SHF: variants seen among roughly 807,000 people sequenced by gnomAD.
SHF encodes Src homology 2 domain containing F, also known as SH2 domain-containing adapter protein F.
In SHF, 30 loss-of-function variants were observed where a neutral mutation model predicts 42.4. The observed-to-expected ratio is 0.71, with a 90% confidence interval of 0.53 to 0.96. The LOEUF is 0.96. Ranked by LOEUF, SHF falls within the 40% of genes least tolerant of loss-of-function variation. The probability of loss-of-function intolerance (pLI) is 0.00; values close to 1 mark genes in which losing one functional copy is unlikely to be tolerated. For synonymous variants in SHF, 264 were observed against 269.9 expected (o/e 0.98, Z 0.21); for missense variants, 598 against 634.0 (o/e 0.94, Z 0.61).
intron 2 of SHF, among the ~76,000 whole-genome samples, chr15:45,175,819 C>CTT: frequency 7.9e-6 from 1 of 126,028 alleles, no homozygotes; most frequent in African/African-American, 2.8e-5. Context: ...TTTTTCTTTT[C>CTT]TTTTTTTTTT....
At chr15:45,199,626 A>G (rs1487724394) in intron 1 of SHF, among the ~76,000 whole-genome samples, 1 of 152,026 alleles carries the variant, frequency 6.6e-6, no homozygotes, top group African/African-American at 2.4e-5. Flanking sequence ...GTCGTTCCCC[A>G]TGCCTCAATT....
upstream of SHF, among the ~76,000 whole-genome samples, chr15:45,189,205 A>G (rs1490641095): frequency 2.7e-5 from 4 of 150,336 alleles, no homozygotes; most frequent in African/African-American, 9.8e-5. Flanking sequence ...AAAAAAAAAA[A>G]AAAGAAAAAG....
chr15:45,192,236 T>A (rs1241081437), upstream of SHF, among the ~76,000 whole-genome samples: 1 of 150,526 alleles, frequency 6.6e-6, no homozygotes, highest in Non-Finnish European at 1.5e-5. Flanking sequence ...AAAGTGTCTT[T>A]TATAGTTTTT....
Position 45,187,822 on chromosome 15 carries a change from T to C in SHF, c.130A>G (p.Ser44Gly), listed in dbSNP as rs1411405411. The change falls in exon 1 of 7, where the codon AGC becomes GGC. Residue 44 changes from serine to glycine, a missense_variant. Physicochemically the swap from Ser to Gly is moderately conservative, Grantham distance 56. Transcript: ENST00000690270. ...GAGAGPGGGG[S>G]GGVAKWLREH... ...CGGAGCCACTTGGCTACTCCGCCGC[T>C]GCCGCCCCCTCCTGGGCCGGCTCCC... is the stretch of plus-strand genomic sequence containing the variant. 1.1e-6 allele frequency: 1 copy of C among 922,072 alleles called. No homozygotes were observed. 57.1% of individuals were successfully genotyped at this position (922,072 alleles called of 1,614,324 possible).
At chr15:45,200,332 TCCACAATGTTGTGAACTCAGGATTAAAA>T (rs1899034201) in intron 1 of SHF, 1 of 168,464 alleles carries the variant, frequency 5.9e-6, no homozygotes, top group South Asian at 1.3e-4. Context: ...GGGTCCATTT[TCCACAATGTTGTGAACTCAGGATTAAAA>T]ACGGATTGGT....
At chr15:45,189,979 T>G (rs1406677616), upstream of SHF, among the ~76,000 whole-genome samples, 1 of 152,164 alleles carries the variant, frequency 6.6e-6, no homozygotes, top group Non-Finnish European at 1.5e-5. Context: ...ACAGTGCTGC[T>G]TGTATTTAGG....
chr15:45,171,941 C>A lies in SHF; in HGVS notation c.1222G>T (p.Ala408Ser). The A allele has an allele frequency of 1.2e-6, 2 of 1,613,858 alleles. No homozygotes were observed. Among genetic ancestry groups the A allele is most frequent in the Non-Finnish European group, 8.5e-7 (1 of 1,179,862 alleles). ...AENLLRLCKE[A>S]SYLVRNSETS... ...TCACTGTTGCGCACCAGGTAGCTGG[C>A]CTCTTTGCACAGCCGGAGCAGGTTC... Residue 408 changes from alanine (A) to serine (S), a missense_variant, in exon 6 of 7, where the codon GCC (alanine) becomes TCC (serine). Ala to Ser is a moderately conservative substitution (Grantham distance 99). This residue lies in a region of SHF where 439 missense variants were observed against 524.6 expected (regional missense o/e 0.84). Transcript: ENST00000690270.
rs1198012091 is a variant in SHF at position 45,187,848 on chromosome 15, G to A, written c.104C>T (p.Ala35Val). The part of the protein sequence containing the change: ...PGGSRRGAGG[A>V]GAGPGGGGSG... ...GCCGCCCCCTCCTGGGCCGGCTCCCGCACCCCCGGCGCCCCGGCGGGACCC... is the reference window on the plus strand; with the variant it reads ...GCCGCCCCCTCCTGGGCCGGCTCCCACACCCCCGGCGCCCCGGCGGGACCC... Residue 35 changes from alanine (A) to valine (V), a missense_variant, in exon 1 of 7, where the codon GCG becomes GTG. Ala to Val is a moderately conservative substitution (Grantham distance 64, BLOSUM62 0). Coordinates refer to ENST00000690270, the MANE Select transcript of SHF (RefSeq NM_001394037.1). The A allele has an allele frequency of 1.9e-6, 2 of 1,051,680 alleles. No individual in the cohort carries two copies. Among genetic ancestry groups the A allele is most frequent in the Admixed American group, 9.1e-5 (2 of 21,994 alleles). The allele number at this position is 1,051,680 out of a possible 1,614,324, so 65.1% of individuals were successfully genotyped here.
intron 6 of SHF, 27 bp from the exon 7 acceptor site, chr15:45,168,160 G>A: frequency 6.5e-7 from 1 of 1,546,316 alleles, no homozygotes; most frequent in Non-Finnish European, 8.8e-7. Context: ...AGACTTTGGT[G>A]AGTGGGGGCT....
At chr15:45,170,129 C>T (rs1403343930) in intron 6 of SHF, 1 of 189,908 alleles carries the variant, frequency 5.3e-6, no homozygotes, top group African/African-American at 2.4e-5. Context: ...GGCATCTCCC[C>T]TTACCTTGGC....
At chr15:45,198,573 A>G (rs75620472) in intron 2 of SHF, 44,783 of 560,254 alleles carry the variant, frequency 0.08, 2,290 homozygotes, top group Middle Eastern at 0.17. Flanking sequence ...GGAAAAAAAT[A>G]CCGAGCCCCT....
chr15:45,200,671 C>T (rs1364087744), intron 1 of SHF: 4 of 454,504 alleles, frequency 8.8e-6, no homozygotes, highest in Non-Finnish European at 1.8e-5. Context: ...TGCCTGCGCA[C>T]CAGACACGGT....
intron 1 of SHF, 85 bp from the exon 2 acceptor site, chr15:45,178,391 A>C (rs1156992569): frequency 2.7e-6 from 4 of 1,492,050 alleles, no homozygotes; most frequent in Non-Finnish European, 3.6e-6. Flanking sequence ...CATGGGAGCA[A>C]GAGTCCCAAG....
At chr15:45,169,397 G>A (rs1005393729) in intron 6 of SHF, among the ~76,000 whole-genome samples, 1 of 152,200 alleles carries the variant, frequency 6.6e-6, no homozygotes, top group Non-Finnish European at 1.5e-5. Flanking sequence ...GCTAGGAAAA[G>A]GCCTGAGGCC....
chr15:45,196,803 G>A (rs1436582907), intron 2 of SHF, among the ~76,000 whole-genome samples: 7 of 151,760 alleles, frequency 4.6e-5, no homozygotes, highest in Non-Finnish European at 8.8e-5. Flanking sequence ...GGAGGCTGAG[G>A]CAGGAGAATG....
chr15:45,200,935 A>G (rs892296644), exon 1 of SHF: 2 of 448,906 alleles, frequency 4.5e-6, no homozygotes, highest in African/African-American at 4.0e-5. Context: ...TTTGGTTGCA[A>G]AGCACTTTCA....
chr15:45,182,149 A>G (rs979864010), intron 1 of SHF, among the ~76,000 whole-genome samples: 6 of 152,152 alleles, frequency 3.9e-5, no homozygotes, highest in African/African-American at 1.2e-4. Context: ...CCACTCTGCA[A>G]TTGGGCCATG....
chr15:45,175,611 A>G (rs112149139), intron 2 of SHF, among the ~76,000 whole-genome samples, 186 bp from the exon 3 acceptor site: 4,110 of 152,242 alleles, frequency 0.027, 185 homozygotes, highest in African/African-American at 0.093. Context: ...TCTAAAAGCA[A>G]GGGAGCCAAT....
Position 45,187,735 on chromosome 15 carries a change from C to A in SHF, c.217G>T (p.Glu73Ter). 2.1e-6 allele frequency: 2 copies of A among 970,454 alleles called. No individual in the cohort carries two copies. The highest frequency in any genetic ancestry group is 2.6e-6 in the Non-Finnish European group (2 of 755,798). 60.1% of individuals were successfully genotyped at this position (970,454 alleles called of 1,614,324 possible). A position where few individuals can be genotyped will look rare whatever the true frequency, so the allele number is the denominator to read the frequency against. ...GGGGSKPAPP[E>*]PDYRPPAPSP... is the part of the protein sequence containing the mutation. Reference sequence around the variant, plus strand: ...GGCGCAGGGGGGCGGTAGTCGGGCTCGGGGGGCGCCGGCTTGCTGCCCCCT... The same window carrying A: ...GGCGCAGGGGGGCGGTAGTCGGGCTAGGGGGGCGCCGGCTTGCTGCCCCCT... Residue 73 changes from glutamate to a stop codon, truncating the protein, a stop_gained, in exon 1 of 7, where the codon GAG becomes TAG. Transcript: ENST00000690270. LOFTEE classifies it high-confidence loss of function.
Sources: allele counts gnomAD v4.1 joint callset (sites outside exome capture counted in the v4.1 genomes callset), GRCh38; gene constraint gnomAD v4.1.1; regional missense constraint gnomAD v4.1.1; transcripts MANE v1.5; gene names NCBI Gene and HGNC (gene_info 2026-07-23, HGNC 2026-07-21).